The following ST6GALNAC3 variants were observed in gnomAD, a reference collection of about 807,000 sequenced individuals.
ST6GALNAC3 encodes the protein ST6 N-acetylgalactosaminide alpha-2,6-sialyltransferase 3.
A neutral mutation model predicts 32.7 loss-of-function variants in ST6GALNAC3; 25 were observed. That is an observed-to-expected ratio of 0.76 (90% CI 0.56 to 1.07). The LOEUF (loss-of-function observed/expected upper bound fraction) is 1.07, where lower values mean the gene tolerates loss of function less well. Among genes scored for constraint, ST6GALNAC3 ranks in the 50% least tolerant of loss-of-function variants. ST6GALNAC3 has a pLI of 0.00. For missense variants in ST6GALNAC3, 355 were observed against 382.4 expected, an observed-to-expected ratio of 0.93 and a Z score of 0.60; for synonymous variants, 129 against 133.1, an observed-to-expected ratio of 0.97 and a Z score of 0.21.
At chr1:76,260,019 T>C (rs1034152264) in intron 1 of ST6GALNAC3, among the ~76,000 whole-genome samples, 11 of 152,116 alleles carry the variant, frequency 7.2e-5, no homozygotes, top group Non-Finnish European at 1.0e-4. Flanking sequence ...TTTTTCTGAC[T>C]GAAGCATGGA....
intron 3 of ST6GALNAC3, among the ~76,000 whole-genome samples, chr1:76,580,477 C>T (rs779176413): frequency 1.3e-5 from 2 of 152,118 alleles, no homozygotes; most frequent in Non-Finnish European, 2.9e-5. Flanking sequence ...TTGAGAAACA[C>T]AAAAGTGCCA....
chr1:76,467,054 G>C (rs543321405), intron 3 of ST6GALNAC3, among the ~76,000 whole-genome samples: 1 of 152,112 alleles, frequency 6.6e-6, no homozygotes, highest in South Asian at 2.1e-4. Flanking sequence ...AGACCTGAAA[G>C]TGTCAAGGAT....
intron 1 of ST6GALNAC3, among the ~76,000 whole-genome samples, chr1:76,193,853 A>G (rs894820568): frequency 1.6e-4 from 24 of 152,178 alleles, no homozygotes; most frequent in African/African-American, 5.8e-4. Flanking sequence ...TTCTTACTGT[A>G]TCCTCACGTG....
chr1:76,243,675 A>G lies in ST6GALNAC3; in HGVS notation c.19-70130A>G, dbSNP rs575094948. The stretch of plus-strand genomic sequence containing the variant: ...AAGTTTCTGTTTTCTGCCTATGGCT[A>G]GCTAGTTTTCCCAGTACATTTATTA... On this transcript the variant is annotated intron_variant, in intron 1 of 4. Transcript: ENST00000328299. 5.9e-5 allele frequency among the ~76,000 whole-genome samples: 9 copies of G among 152,334 alleles called. No homozygotes were observed. In the South Asian group the frequency reaches 1.9e-3, roughly 32 times the overall value.
At chr1:76,109,163 G>A (rs748835481) in intron 1 of ST6GALNAC3, among the ~76,000 whole-genome samples, 9 of 152,160 alleles carry the variant, frequency 5.9e-5, no homozygotes, top group Non-Finnish European at 8.8e-5. Context: ...TATGGTTTAT[G>A]TCGCAGACTT....
intron 1 of ST6GALNAC3, among the ~76,000 whole-genome samples, chr1:76,078,254 A>C (rs1363644471): frequency 6.6e-6 from 1 of 152,124 alleles, no homozygotes; most frequent in East Asian, 1.9e-4. Context: ...AAACTGAGAT[A>C]GAGAGATATT....
intron 3 of ST6GALNAC3, chr1:76,412,947 A>G: frequency 3.0e-6 from 1 of 333,866 alleles, no homozygotes. Flanking sequence ...AGAATACCAT[A>G]TTGAAATTAT....
intron 1 of ST6GALNAC3, among the ~76,000 whole-genome samples, chr1:76,244,937 G>T (rs1021565547): frequency 2.0e-5 from 3 of 151,394 alleles, no homozygotes; most frequent in African/African-American, 7.3e-5. Context: ...GACACAGGAT[G>T]CTGGCCTCAT....
At chr1:76,512,276 A>G (rs1661910593) in intron 3 of ST6GALNAC3, among the ~76,000 whole-genome samples, 1 of 152,220 alleles carries the variant, frequency 6.6e-6, no homozygotes, top group Non-Finnish European at 1.5e-5. Flanking sequence ...ACTGCTGTCC[A>G]CAGGTAATCC....
At chr1:76,605,335 T>C (rs1264266645) in intron 3 of ST6GALNAC3, among the ~76,000 whole-genome samples, 26 of 152,118 alleles carry the variant, frequency 1.7e-4, no homozygotes. Context: ...GAACTAGTGG[T>C]GAATTGACTA....
chr1:76,561,245 G>A (rs1370821971), intron 3 of ST6GALNAC3, among the ~76,000 whole-genome samples: 2 of 152,008 alleles, frequency 1.3e-5, no homozygotes, highest in Admixed American at 6.6e-5. Context: ...GATGTTTAAC[G>A]GGTACAGAAT....
chr1:76,371,296 G>C (rs1406268137), intron 2 of ST6GALNAC3, among the ~76,000 whole-genome samples: 1 of 152,124 alleles, frequency 6.6e-6, no homozygotes, highest in Non-Finnish European at 1.5e-5. Context: ...TCATTATATA[G>C]GGGGCAAAGT....
intron 1 of ST6GALNAC3, among the ~76,000 whole-genome samples, chr1:76,252,744 T>C (rs1373974627): frequency 6.6e-6 from 1 of 152,150 alleles, no homozygotes; most frequent in African/African-American, 2.4e-5. Flanking sequence ...TGTTATTACA[T>C]TTAAGAATCT....
chr1:76,636,154 A>G (rs1006662821), downstream of ST6GALNAC3, among the ~76,000 whole-genome samples: 3 of 152,240 alleles, frequency 2.0e-5, no homozygotes, highest in African/African-American at 7.2e-5. Context: ...ATATTGCTCT[A>G]GGTCATATTA....
At chr1:76,421,079 G>A (rs574990323) in intron 3 of ST6GALNAC3, among the ~76,000 whole-genome samples, 4 of 152,122 alleles carry the variant, frequency 2.6e-5, no homozygotes, top group South Asian at 4.1e-4. Flanking sequence ...GATTTAATGG[G>A]TGAATGAATA....
intron 3 of ST6GALNAC3, among the ~76,000 whole-genome samples, chr1:76,522,004 G>A (rs997526112): frequency 5.9e-5 from 9 of 151,686 alleles, no homozygotes; most frequent in Non-Finnish European, 1.0e-4. Flanking sequence ...AGGAACTCAG[G>A]AGGTGGAGGT....
At chr1:76,170,096 A>G (rs1190610518) in intron 1 of ST6GALNAC3, among the ~76,000 whole-genome samples, 1 of 151,952 alleles carries the variant, frequency 6.6e-6, no homozygotes, top group Non-Finnish European at 1.5e-5. Context: ...TTTCTGGAAG[A>G]TTTTAGAGGG....
chr1:76,123,159 G>A (rs1165725254), intron 1 of ST6GALNAC3, among the ~76,000 whole-genome samples: 2 of 152,130 alleles, frequency 1.3e-5, no homozygotes, highest in Non-Finnish European at 2.9e-5. Flanking sequence ...ATCACCTGAG[G>A]TCAGGAGTTC....
intron 2 of ST6GALNAC3, 45 bp downstream of exon 2, chr1:76,314,044 T>C (rs753591950): frequency 6.4e-7 from 1 of 1,565,776 alleles, no homozygotes; most frequent in Non-Finnish European, 8.7e-7. Flanking sequence ...GTATCCATGG[T>C]AACAGCTTTT....
Sources: allele counts gnomAD v4.1 joint callset (sites outside exome capture counted in the v4.1 genomes callset), GRCh38; gene constraint gnomAD v4.1.1; transcripts MANE v1.5; gene names NCBI Gene and HGNC (gene_info 2026-07-23, HGNC 2026-07-21).